Variants in STMN4 observed in about 807,000 individuals in gnomAD.
STMN4 encodes stathmin 4.
A neutral mutation model predicts 29.1 loss-of-function variants in STMN4; 12 were observed. The ratio of observed to expected loss-of-function variants is 0.41; its 90% CI spans 0.26 to 0.67. The LOEUF is 0.67. STMN4 is among the 30% of genes least tolerant of loss of function. The pLI is 0.30. For missense variants in STMN4, 181 were observed against 262.8 expected, an observed-to-expected ratio of 0.69 and a Z score of 2.15; for synonymous variants, 114 against 105.3, an observed-to-expected ratio of 1.08 and a Z score of -0.51.
At chr8:27,242,270 A>T (rs1033311496) in intron 3 of STMN4, 127 bp downstream of exon 3, 3 of 952,538 alleles carry the variant, frequency 3.1e-6, no homozygotes, top group African/African-American at 3.3e-5. Flanking sequence ...CTGTGATTTC[A>T]TCGGCACTGG....
intron 1 of STMN4, among the ~76,000 whole-genome samples, chr8:27,244,567 G>A (rs1250443375): frequency 6.6e-6 from 1 of 152,170 alleles, no homozygotes; most frequent in Non-Finnish European, 1.5e-5. Context: ...GAGCCTGGGA[G>A]GTGTCCCTGG....
intron 1 of STMN4, among the ~76,000 whole-genome samples, chr8:27,255,429 G>A (rs1345845463): frequency 6.6e-6 from 1 of 152,170 alleles, no homozygotes; most frequent in East Asian, 1.9e-4. Context: ...AGATATCAGA[G>A]GGGGCAGGGG....
intron 1 of STMN4, among the ~76,000 whole-genome samples, chr8:27,257,672 C>A (rs1801983075): frequency 6.6e-6 from 1 of 152,086 alleles, no homozygotes; most frequent in Non-Finnish European, 1.5e-5. Flanking sequence ...AAACTCCTGG[C>A]AAGTGTGGTG....
In STMN4 at chr8:27,243,884, G is replaced by A; in HGVS notation, c.-78-83C>T. 1.6e-6 allele frequency: 2 copies of A among 1,220,984 alleles called. 1 individual carries two copies. Among genetic ancestry groups the A allele is most frequent in the South Asian group, 2.7e-5 (2 of 74,306 alleles). The allele number at this position is 1,220,984 out of a possible 1,614,324, so 75.6% of individuals were successfully genotyped here. A position where few individuals can be genotyped will look rare whatever the true frequency, so the allele number is the denominator to read the frequency against. On this transcript the variant is annotated intron_variant, in intron 1 of 6. Transcript: ENST00000350889. ...AAGAAAGGTCTTTATACACTGGGGA[G>A]GGAATCTCAGGGGTACCTCATTTGC...
intron 1 of STMN4, among the ~76,000 whole-genome samples, chr8:27,257,082 G>T (rs942993946): frequency 1.3e-5 from 2 of 152,188 alleles, no homozygotes; most frequent in Non-Finnish European, 2.9e-5. Flanking sequence ...GAGGGTTGGG[G>T]TGAGCCAGAG....
chr8:27,240,563 G>A (rs1485451289), intron 5 of STMN4, among the ~76,000 whole-genome samples: 1 of 152,124 alleles, frequency 6.6e-6, no homozygotes, highest in African/African-American at 2.4e-5. Flanking sequence ...GGTGTAGACA[G>A]GATGCACTGA....
Position 27,236,917 on chromosome 8 carries a change from G to C in STMN4, c.592-12C>G. On this transcript the variant is annotated splice_polypyrimidine_tract_variant and intron_variant, in intron 6 of 6. Coordinates refer to ENST00000350889, the MANE Select transcript of STMN4 (RefSeq NM_030795.4). ...TCGGCGTGCTTGTCCTGGAAAGGAA[G>C]GGAGGGAAAAGGGCAGGTCACACAA... 1 of 1,606,224 alleles carries C rather than the reference G, an allele frequency of 6.2e-7. No individual in the cohort carries two copies. The highest frequency in any genetic ancestry group is 8.5e-7 in the Non-Finnish European group (1 of 1,176,690).
intron 1 of STMN4, among the ~76,000 whole-genome samples, chr8:27,255,735 G>C (rs1196581091): frequency 6.6e-6 from 1 of 151,148 alleles, no homozygotes; most frequent in Non-Finnish European, 1.5e-5. Flanking sequence ...CCCCCTACAG[G>C]AAAAATGTGG....
chr8:27,239,851 G>T (rs1231395382), intron 6 of STMN4, 120 bp downstream of exon 6: 15 of 1,564,702 alleles, frequency 9.6e-6, no homozygotes, highest in Non-Finnish European at 1.2e-5. Context: ...CTAAGAAAAA[G>T]ATCCTGATTT....
chr8:27,237,867 G>A (rs1012281967), intron 6 of STMN4, among the ~76,000 whole-genome samples: 5 of 152,086 alleles, frequency 3.3e-5, no homozygotes, highest in South Asian at 4.1e-4. Flanking sequence ...TCTATTAGAC[G>A]GTGACTTTCC....
intron 4 of STMN4, 116 bp from the exon 5 acceptor site, chr8:27,241,378 T>C: frequency 7.9e-7 from 1 of 1,263,938 alleles, no homozygotes; most frequent in East Asian, 2.4e-5. Context: ...AGCTGGAGAC[T>C]GGGGTCTGGC....
rs760300052 is a variant in STMN4 at position 27,240,090 on chromosome 8, T to C, written c.472A>G (p.Ile158Val). The change falls in exon 6 of 7, where the codon ATT becomes GTT. Residue 158 changes from isoleucine (I) to valine (V), a missense_variant. Physicochemically the swap from Ile to Val is conservative, Grantham distance 29. Transcript: ENST00000350889. ...TTGATGAAGTTGTTGTTTTCCTCAA[T>C]GGCCTTTTGGATCACCTCTCTCTCA... is the stretch of plus-strand genomic sequence containing the variant. ...EHEREVIQKA[I>V]EENNNFIKMA... is the part of the protein sequence containing the mutation. The C allele has an allele frequency of 7.4e-6, 12 of 1,614,126 alleles. No individual in the cohort carries two copies. The highest frequency in any genetic ancestry group is 6.7e-5 in the East Asian group (3 of 44,898).
intron 2 of STMN4, 120 bp from the exon 3 acceptor site, chr8:27,242,612 CACA>C (rs1801509428): frequency 1.1e-6 from 1 of 914,240 alleles, no homozygotes; most frequent in Non-Finnish European, 1.7e-6. Context: ...ACCACGCAGG[CACA>C]CGCCAAGCCT....
At chr8:27,249,438 T>G (rs1363002963) in intron 1 of STMN4, among the ~76,000 whole-genome samples, 3 of 152,168 alleles carry the variant, frequency 2.0e-5, no homozygotes, top group South Asian at 4.1e-4. Context: ...TGTCTTGCAT[T>G]GTATACATCA....
At chr8:27,246,924 G>T (rs1279162150) in intron 1 of STMN4, among the ~76,000 whole-genome samples, 2 of 152,058 alleles carry the variant, frequency 1.3e-5, no homozygotes, top group African/African-American at 4.8e-5. Flanking sequence ...TTCACCTCAG[G>T]TACCAGCATT....
intron 5 of STMN4, among the ~76,000 whole-genome samples, 154 bp from the exon 6 acceptor site, chr8:27,240,316 TC>T (rs1459919342): frequency 6.6e-6 from 1 of 152,080 alleles, no homozygotes; most frequent in Non-Finnish European, 1.5e-5. Flanking sequence ...CTTCCTAAAT[TC>T]CCCCCACCAC....
rs150158276 is a variant in STMN4, at chr8:27,241,715, C to A, written c.152G>T (p.Arg51Leu). ...TTCTCTCCAGTCAGCACTGTCTTTC[C>A]GCTGGCTTTCATCCTTCCTCCTACA... Reference protein sequence around the residue: ...RQCRRKDESQRKDSADWRERR... With the variant: ...RQCRRKDESQLKDSADWRERR... The change falls in exon 4 of 7, where the codon CGG becomes CTG. Residue 51 changes from arginine to leucine, a missense_variant. Transcript: ENST00000350889. 1.2e-6 allele frequency: 2 copies of A among 1,614,068 alleles called. No homozygotes were observed. Among genetic ancestry groups the A allele is most frequent in the Non-Finnish European group, 8.5e-7 (1 of 1,180,040 alleles).
intron 1 of STMN4, among the ~76,000 whole-genome samples, chr8:27,244,832 C>T (rs1167195562): frequency 6.6e-6 from 1 of 152,124 alleles, no homozygotes; most frequent in Non-Finnish European, 1.5e-5. Flanking sequence ...GATGGGAGCC[C>T]ATGAAGGCTA....
At chr8:27,245,465 T>C (rs1801598659) in intron 1 of STMN4, among the ~76,000 whole-genome samples, 1 of 152,230 alleles carries the variant, frequency 6.6e-6, no homozygotes, top group African/African-American at 2.4e-5. Context: ...CTTGTTCTTG[T>C]TGTTGTGCTT....
Sources: allele counts gnomAD v4.1 joint callset (sites outside exome capture counted in the v4.1 genomes callset), GRCh38; gene constraint gnomAD v4.1.1; transcripts MANE v1.5; gene names NCBI Gene and HGNC (gene_info 2026-07-23, HGNC 2026-07-21).